Variants in NCKAP5 observed in about 807,000 individuals in gnomAD.
The protein encoded by NCKAP5 is nck-associated protein 5.
In NCKAP5, 92 loss-of-function variants were observed where a neutral mutation model predicts 167.0. That is an observed-to-expected ratio of 0.55 (90% CI 0.47 to 0.66). The LOEUF (loss-of-function observed/expected upper bound fraction) is 0.66. Ranked by LOEUF, NCKAP5 falls within the 30% of genes least tolerant of loss-of-function variation. The probability of loss-of-function intolerance (pLI) is 0.00; values close to 1 mark genes in which losing one functional copy is unlikely to be tolerated. For synonymous variants in NCKAP5, 891 were observed against 877.4 expected (o/e 1.02, Z -0.27); for missense variants, 2,378 against 2,315.0 (o/e 1.03, Z -0.56).
chr2:133,517,503 C>G lies in NCKAP5; in HGVS notation c.24G>C (p.Glu8Asp). ...ACAGCCTTTTTCCAAAGTCCCTTTT[C>G]TCAAGCTGTCTCTTTCCCTCCATGG... The part of the protein sequence containing the change: MEGKRQL[E>D]KRDFGKRLSL... Residue 8 changes from glutamate to aspartate, a missense_variant, in exon 3 of 20, where the codon GAG (glutamate) becomes GAC (aspartate). Transcript: ENST00000409261. The G allele has an allele frequency of 1.3e-6, 2 of 1,539,178 alleles. No individual in the cohort carries two copies. The highest frequency in any genetic ancestry group is 1.4e-5 in the African/African-American group (1 of 73,004).
At chr2:133,333,441 GC>G (rs1439530827) in intron 3 of NCKAP5, among the ~76,000 whole-genome samples, 1 of 152,132 alleles carries the variant, frequency 6.6e-6, no homozygotes, top group African/African-American at 2.4e-5. Flanking sequence ...AATGCTCTCT[GC>G]TTTCTTCCAC....
chr2:133,285,058 C>T (rs762522886), intron 4 of NCKAP5, among the ~76,000 whole-genome samples: 26 of 152,280 alleles, frequency 1.7e-4, no homozygotes, highest in Non-Finnish European at 1.8e-4. Context: ...ATCATATATA[C>T]GTATCTTGTT....
At chr2:132,729,765 T>C (rs1006202656) in intron 17 of NCKAP5, among the ~76,000 whole-genome samples, 2 of 152,198 alleles carry the variant, frequency 1.3e-5, no homozygotes, top group African/African-American at 4.8e-5. Flanking sequence ...TTGCTGTCAT[T>C]ATCCTCCAAC....
intron 13 of NCKAP5, among the ~76,000 whole-genome samples, chr2:132,787,347 CAAAAAAA>C (rs34393093): frequency 9.6e-6 from 1 of 104,432 alleles, no homozygotes; most frequent in African/African-American, 3.4e-5. Flanking sequence ...GACTCCGTTT[CAAAAAAA>C]AAAAAAAAAA....
At chr2:133,192,795 C>T (rs1171346551) in intron 5 of NCKAP5, among the ~76,000 whole-genome samples, 1 of 152,050 alleles carries the variant, frequency 6.6e-6, no homozygotes, top group African/African-American at 2.4e-5. Flanking sequence ...ATCACTCATA[C>T]ATTGTTGGTA....
chr2:133,128,598 CT>C (rs1183539432), intron 6 of NCKAP5, among the ~76,000 whole-genome samples: 4,749 of 143,826 alleles, frequency 0.033, 212 homozygotes, highest in African/African-American at 0.11. Flanking sequence ...CTCTCTCTCT[CT>C]TTTTTTTTTT....
intron 6 of NCKAP5, among the ~76,000 whole-genome samples, chr2:133,040,717 G>C (rs552978237): frequency 6.6e-6 from 1 of 152,136 alleles, no homozygotes; most frequent in African/African-American, 2.4e-5. Flanking sequence ...TGAAGGTTAA[G>C]GTAGAAGGGC....
chr2:133,189,177 A>C (rs904002189), intron 5 of NCKAP5, among the ~76,000 whole-genome samples: 1 of 152,150 alleles, frequency 6.6e-6, no homozygotes, highest in Non-Finnish European at 1.5e-5. Context: ...TAAACCAGAA[A>C]ATCTAGAAGA....
At chr2:133,638,688 T>C in the NCKAP5 span, among the ~76,000 whole-genome samples, 1,449 of 152,092 alleles carry the variant, frequency 9.5e-3, 25 homozygotes, top group African/African-American at 0.034. Flanking sequence ...TGAGGCCCCA[T>C]CTCTACTAAA....
chr2:133,147,409 G>T (rs1214354257), intron 5 of NCKAP5, among the ~76,000 whole-genome samples: 1 of 152,138 alleles, frequency 6.6e-6, no homozygotes, highest in Non-Finnish European at 1.5e-5. Flanking sequence ...AGGCTACTGT[G>T]AGTGAGCAAA....
intron 6 of NCKAP5, among the ~76,000 whole-genome samples, chr2:133,079,564 T>C (rs1378023028): frequency 6.6e-6 from 1 of 152,172 alleles, no homozygotes; most frequent in African/African-American, 2.4e-5. Flanking sequence ...GTCAGTAATT[T>C]TGCATAATTA....
chr2:132,957,115 A>G (rs556046365), intron 8 of NCKAP5, among the ~76,000 whole-genome samples: 1 of 152,266 alleles, frequency 6.6e-6, no homozygotes, highest in Admixed American at 6.5e-5. Context: ...CCACCTGCCC[A>G]TAGAACATCA....
intron 3 of NCKAP5, among the ~76,000 whole-genome samples, chr2:133,505,654 A>G (rs944810169): frequency 6.6e-6 from 1 of 152,082 alleles, no homozygotes; most frequent in Non-Finnish European, 1.5e-5. Flanking sequence ...GGCCAAACTC[A>G]CACAGGCAGT....
intron 7 of NCKAP5, among the ~76,000 whole-genome samples, chr2:132,980,918 A>C (rs1314692055): frequency 6.6e-6 from 1 of 152,198 alleles, no homozygotes; most frequent in Non-Finnish European, 1.5e-5. Flanking sequence ...AAGTACAATA[A>C]AAAAGGTTGT....
chr2:133,151,792 C>T (rs1035608048), intron 5 of NCKAP5, among the ~76,000 whole-genome samples: 4 of 152,146 alleles, frequency 2.6e-5, no homozygotes, highest in Non-Finnish European at 4.4e-5. Flanking sequence ...ATATTCTAAA[C>T]TTACATCCAC....
chr2:132,676,218 A>AGTAT (rs1031657562), intron 19 of NCKAP5, among the ~76,000 whole-genome samples: 1 of 149,894 alleles, frequency 6.7e-6, no homozygotes, highest in African/African-American at 2.5e-5. Flanking sequence ...CAAAATACCC[A>AGTAT]GTATGTATAC....
intron 4 of NCKAP5, among the ~76,000 whole-genome samples, chr2:133,245,652 G>A (rs989327477): frequency 4.6e-5 from 7 of 151,710 alleles, no homozygotes; most frequent in East Asian, 3.9e-4. Context: ...AATTAAAGGC[G>A]CAATCCCTAT....
intron 3 of NCKAP5, among the ~76,000 whole-genome samples, chr2:133,428,706 A>G (rs749258113): frequency 1.1e-4 from 16 of 152,256 alleles, no homozygotes; most frequent in Admixed American, 3.3e-4. Flanking sequence ...TGCACTAGAA[A>G]CAGACTCCGG....
intron 16 of NCKAP5, among the ~76,000 whole-genome samples, chr2:132,772,653 T>C (rs992493934): frequency 4.6e-5 from 7 of 152,310 alleles, no homozygotes; most frequent in Admixed American, 3.9e-4. Flanking sequence ...CATTGACAAC[T>C]ATAATAAAGG....
Sources: allele counts gnomAD v4.1 joint callset (sites outside exome capture counted in the v4.1 genomes callset), GRCh38; gene constraint gnomAD v4.1.1; transcripts MANE v1.5; gene names NCBI Gene and HGNC (gene_info 2026-07-23, HGNC 2026-07-21).